The following PPM1E variants were observed in gnomAD, a reference collection of about 807,000 sequenced individuals.
The protein encoded by PPM1E is protein phosphatase, Mg2+/Mn2+ dependent 1E, also known as protein phosphatase 1E.
PPM1E carries 20 observed loss-of-function variants against 65.9 expected under a neutral mutation model. The ratio of observed to expected loss-of-function variants is 0.30; its 90% CI spans 0.21 to 0.44. The LOEUF is 0.44. Ranked by LOEUF, PPM1E falls within the 20% of genes least tolerant of loss-of-function variation. PPM1E has a pLI of 1.00. For missense variants in PPM1E, 713 were observed against 953.1 expected, an observed-to-expected ratio of 0.75 and a Z score of 3.32; for synonymous variants, 352 against 374.9, an observed-to-expected ratio of 0.94 and a Z score of 0.70.
At chr17:58,883,235 G>C (rs1179342797) in intron 1 of PPM1E, among the ~76,000 whole-genome samples, 1 of 151,752 alleles carries the variant, frequency 6.6e-6, no homozygotes, top group Admixed American at 6.6e-5. Flanking sequence ...CTGGATTACA[G>C]GTGTGAGCCA....
At chr17:58,786,466 A>G (rs1203449889) in intron 1 of PPM1E, among the ~76,000 whole-genome samples, 1 of 152,210 alleles carries the variant, frequency 6.6e-6, no homozygotes, top group Non-Finnish European at 1.5e-5. Flanking sequence ...AGTTGATCTG[A>G]TAGCCAGCCT....
chr17:58,930,604 A>C (rs1298570083), intron 1 of PPM1E, among the ~76,000 whole-genome samples: 1 of 152,220 alleles, frequency 6.6e-6, no homozygotes, highest in Admixed American at 6.5e-5. Context: ...TAGGTCAAGG[A>C]AGATTTGGTG....
intron 1 of PPM1E, among the ~76,000 whole-genome samples, chr17:58,847,344 C>T (rs901429758): frequency 6.6e-6 from 1 of 152,104 alleles, no homozygotes; most frequent in Non-Finnish European, 1.5e-5. Flanking sequence ...AAGTCCTTGC[C>T]CATGCCTATG....
At chr17:58,764,276 A>G (rs770113360) in intron 1 of PPM1E, among the ~76,000 whole-genome samples, 11 of 152,112 alleles carry the variant, frequency 7.2e-5, no homozygotes, top group Non-Finnish European at 1.6e-4. Context: ...CTATTTTTTA[A>G]AAAAACCACA....
chr17:58,880,234 A>G (rs1207241539), intron 1 of PPM1E, among the ~76,000 whole-genome samples: 1 of 152,188 alleles, frequency 6.6e-6, no homozygotes, highest in Non-Finnish European at 1.5e-5. Context: ...TCACATGGGA[A>G]TTTCATCTCC....
intron 1 of PPM1E, among the ~76,000 whole-genome samples, chr17:58,764,427 T>C (rs1251604700): frequency 6.6e-6 from 1 of 152,088 alleles, no homozygotes; most frequent in Non-Finnish European, 1.5e-5. Flanking sequence ...CTTAGCTGGG[T>C]GCAGTGCCTC....
At chr17:58,922,800 T>A (rs1164742207) in intron 1 of PPM1E, among the ~76,000 whole-genome samples, 2 of 151,560 alleles carry the variant, frequency 1.3e-5, no homozygotes, top group Non-Finnish European at 2.9e-5. Flanking sequence ...TTATCCTGCC[T>A]CAGCCTCCTG....
chr17:58,877,040 C>T (rs942359825), intron 1 of PPM1E, among the ~76,000 whole-genome samples: 4 of 152,204 alleles, frequency 2.6e-5, no homozygotes, highest in Non-Finnish European at 4.4e-5. Flanking sequence ...GCCTCGGCCT[C>T]CCAAAGTGCT....
chr17:58,873,239 G>T (rs2051090736), intron 1 of PPM1E, among the ~76,000 whole-genome samples: 1 of 152,038 alleles, frequency 6.6e-6, no homozygotes, highest in Non-Finnish European at 1.5e-5. Flanking sequence ...GATGTTTGCT[G>T]CATATATATG....
chr17:58,836,556 C>G (rs948957098), intron 1 of PPM1E, among the ~76,000 whole-genome samples: 3 of 150,976 alleles, frequency 2.0e-5, no homozygotes, highest in Non-Finnish European at 3.0e-5. Context: ...CCTCTGCCGC[C>G]CAGGTTCAAG....
chr17:58,936,849 G>T (rs2051987899), intron 1 of PPM1E, among the ~76,000 whole-genome samples: 1 of 152,144 alleles, frequency 6.6e-6, no homozygotes. Context: ...CTATTTATCT[G>T]TTGTGGTTCC....
chr17:58,943,151 C>T (rs2052098151), intron 1 of PPM1E, among the ~76,000 whole-genome samples: 2 of 151,960 alleles, frequency 1.3e-5, no homozygotes, highest in East Asian at 1.9e-4. Context: ...GAGCCAAGAT[C>T]GTGCCACTGT....
chr17:58,843,529 A>G lies in PPM1E; in HGVS notation c.464+87068A>G, dbSNP rs193094385. Among the ~76,000 whole-genome samples the G allele has an allele frequency of 3.3e-5, 5 of 151,854 alleles. No homozygotes were observed. In the East Asian group the frequency reaches 9.7e-4, roughly 30 times the overall value. The stretch of plus-strand genomic sequence containing the variant: ...ATCCTGTCTAAAAAAAATAAAAATA[A>G]AACTGTAGAACAAGGCCGGGCACAG... On this transcript the variant is annotated intron_variant, in intron 1 of 6. Transcript: ENST00000308249.
At chr17:58,778,575 A>G (rs1366821834) in intron 1 of PPM1E, among the ~76,000 whole-genome samples, 2 of 150,374 alleles carry the variant, frequency 1.3e-5, no homozygotes, top group African/African-American at 2.5e-5. Context: ...ATGCCTCACT[A>G]ATTTTTATAT....
chr17:58,784,215 G>T (rs943989362), intron 1 of PPM1E, among the ~76,000 whole-genome samples: 5 of 151,636 alleles, frequency 3.3e-5, no homozygotes, highest in Non-Finnish European at 7.4e-5. Flanking sequence ...GTAGAGACGG[G>T]TTTCACCATG....
rs143718270 is a variant in PPM1E at position 58,853,701 on chromosome 17, G to A, written c.464+97240G>A. Among the ~76,000 whole-genome samples, 100 of 152,156 alleles carry A rather than the reference G, an allele frequency of 6.6e-4. No homozygotes were observed. The East Asian group carries it at 0.011, about 17-fold the overall frequency. On this transcript the variant is annotated intron_variant, in intron 1 of 6. Transcript: ENST00000308249. The stretch of plus-strand genomic sequence containing the variant: ...AAATTAGTTGGGTATGATGGCACAC[G>A]TCTGTAATCCCAGCTATTCCTCAGG...
At chr17:58,950,233 G>C (rs1334190104) in intron 1 of PPM1E, among the ~76,000 whole-genome samples, 1 of 152,120 alleles carries the variant, frequency 6.6e-6, no homozygotes, top group South Asian at 2.1e-4. Flanking sequence ...ATGATGGCGG[G>C]TGCCTGTAAT....
intron 1 of PPM1E, among the ~76,000 whole-genome samples, chr17:58,798,032 T>G (rs2050222128): frequency 6.6e-6 from 1 of 152,216 alleles, no homozygotes; most frequent in Non-Finnish European, 1.5e-5. Flanking sequence ...TGACTTATGA[T>G]TTTGAGGATC....
At chr17:58,810,496 C>T (rs973220623) in intron 1 of PPM1E, among the ~76,000 whole-genome samples, 6 of 152,116 alleles carry the variant, frequency 3.9e-5, no homozygotes, top group African/African-American at 9.7e-5. Context: ...TGAGCCACTG[C>T]GCCCGGCCGC....
Sources: allele counts gnomAD v4.1 joint callset (sites outside exome capture counted in the v4.1 genomes callset), GRCh38; gene constraint gnomAD v4.1.1; transcripts MANE v1.5; gene names NCBI Gene and HGNC (gene_info 2026-07-23, HGNC 2026-07-21).